The following UNC5C variants were observed in gnomAD, a reference collection of about 807,000 sequenced individuals.
UNC5C encodes unc-5 netrin receptor C.
A neutral mutation model predicts 99.8 loss-of-function variants in UNC5C; 47 were observed. The ratio of observed to expected loss-of-function variants is 0.47; its 90% CI spans 0.37 to 0.60. The LOEUF (loss-of-function observed/expected upper bound fraction) is 0.60, where lower values mean the gene tolerates loss of function less well. UNC5C is among the 20% of genes least tolerant of loss of function. The pLI, the probability that UNC5C is intolerant of heterozygous loss-of-function variation, is 0.00. For synonymous variants in UNC5C, 487 were observed against 452.2 expected (o/e 1.08, Z -0.98); for missense variants, 1,062 against 1,165.9 (o/e 0.91, Z 1.30).
Position 95,300,817 on chromosome 4 carries a change from G to A in UNC5C, c.490+789C>T, listed in dbSNP as rs557419575. 1.4e-3 allele frequency among the ~76,000 whole-genome samples: 212 copies of A among 152,246 alleles called. 2 individuals are homozygous for A. Among genetic ancestry groups the A allele is most frequent in the Middle Eastern group, 3.4e-3 (1 of 294 alleles). On this transcript the variant is annotated intron_variant, in intron 3 of 15. Coordinates refer to ENST00000453304, the MANE Select transcript of UNC5C (RefSeq NM_003728.4). ...GGGAAGGGTAGTGGCAGGGTTTTGCGGGGAGGTGGGGATGATTAATGAGTA... is the reference window on the plus strand; with the variant it reads ...GGGAAGGGTAGTGGCAGGGTTTTGCAGGGAGGTGGGGATGATTAATGAGTA...
At chr4:95,276,699 A>G (rs1579289300) in intron 4 of UNC5C, among the ~76,000 whole-genome samples, 2 of 152,164 alleles carry the variant, frequency 1.3e-5, no homozygotes, top group African/African-American at 4.8e-5. Flanking sequence ...AATAGAGAAG[A>G]GTTTTCTCCT....
At chr4:95,249,017 T>C in intron 5 of UNC5C, among the ~76,000 whole-genome samples, 1 of 152,276 alleles carries the variant, frequency 6.6e-6, no homozygotes, top group East Asian at 1.9e-4. Flanking sequence ...TTATCTTTGA[T>C]ATCTTATTTT....
chr4:95,537,374 A>G (rs895219163), intron 1 of UNC5C, among the ~76,000 whole-genome samples: 1 of 152,156 alleles, frequency 6.6e-6, no homozygotes, highest in Non-Finnish European at 1.5e-5. Flanking sequence ...GGGGAGGGGA[A>G]GGTCGGCGTG....
intron 1 of UNC5C, among the ~76,000 whole-genome samples, chr4:95,387,265 A>C (rs928885101): frequency 2.0e-5 from 3 of 152,010 alleles, no homozygotes; most frequent in African/African-American, 7.2e-5. Context: ...CAGCCTCTCA[A>C]GTAGCTGGGA....
rs563622491 is a variant in UNC5C at position 95,543,852 on chromosome 4, G to C, written c.124+4882C>G. Among the ~76,000 whole-genome samples, 3 of 152,258 alleles carry C rather than the reference G, an allele frequency of 2.0e-5. No individual in the cohort carries two copies. In the South Asian group the frequency reaches 6.2e-4, roughly 32 times the overall value. On this transcript the variant is annotated intron_variant, in intron 1 of 15. Coordinates refer to ENST00000453304, the MANE Select transcript of UNC5C (RefSeq NM_003728.4). ...CCAGAGAGAACAGAAGGGAAGAAAA[G>C]AGACTGTGGAAGGGAATGAGATTCC...
At chr4:95,294,994 A>T (rs951308441) in intron 3 of UNC5C, among the ~76,000 whole-genome samples, 1 of 152,304 alleles carries the variant, frequency 6.6e-6, no homozygotes, top group African/African-American at 2.4e-5. Flanking sequence ...ACATGAGTCA[A>T]TCTGTCCCTC....
intron 1 of UNC5C, among the ~76,000 whole-genome samples, chr4:95,391,855 T>C (rs1390751736): frequency 2.0e-5 from 3 of 151,144 alleles, no homozygotes; most frequent in African/African-American, 7.3e-5. Context: ...GAGAGGTGGA[T>C]CACTTGAGAC....
intron 3 of UNC5C, among the ~76,000 whole-genome samples, chr4:95,282,998 G>T (rs1741115830): frequency 6.6e-6 from 1 of 152,134 alleles, no homozygotes; most frequent in Non-Finnish European, 1.5e-5. Flanking sequence ...GAAGGTCAGA[G>T]AAAACTTTTG....
intron 1 of UNC5C, among the ~76,000 whole-genome samples, chr4:95,362,098 G>A (rs2149435220): frequency 6.6e-6 from 1 of 152,170 alleles, no homozygotes; most frequent in African/African-American, 2.4e-5. Context: ...TGTCTTCTCT[G>A]AGCCCTAGTT....
intron 1 of UNC5C, among the ~76,000 whole-genome samples, chr4:95,539,849 C>A (rs533864846): frequency 6.6e-6 from 1 of 151,752 alleles, no homozygotes; most frequent in African/African-American, 2.4e-5. Context: ...TCTAATAAAT[C>A]CAATAAAATG....
chr4:95,269,360 C>G (rs192622530), intron 4 of UNC5C, among the ~76,000 whole-genome samples: 1 of 152,300 alleles, frequency 6.6e-6, no homozygotes, highest in Non-Finnish European at 1.5e-5. Flanking sequence ...GTGATGACGG[C>G]TCACTGCAGC....
At chr4:95,337,107 G>A (rs1366083947) in intron 1 of UNC5C, among the ~76,000 whole-genome samples, 1 of 151,840 alleles carries the variant, frequency 6.6e-6, no homozygotes, top group Non-Finnish European at 1.5e-5. Flanking sequence ...AGCACTTACT[G>A]TTATATGTGA....
At chr4:95,444,448 C>T (rs1747037584) in intron 1 of UNC5C, among the ~76,000 whole-genome samples, 1 of 151,990 alleles carries the variant, frequency 6.6e-6, no homozygotes, top group South Asian at 2.1e-4. Flanking sequence ...TCTCCTGCCT[C>T]AGCCTCCCGA....
At chr4:95,524,324 G>T (rs1259452885) in intron 1 of UNC5C, among the ~76,000 whole-genome samples, 3 of 152,148 alleles carry the variant, frequency 2.0e-5, no homozygotes, top group Non-Finnish European at 2.9e-5. Flanking sequence ...CTGGGTTATT[G>T]TGAGGATTAA....
chr4:95,479,917 T>A (rs186368599), intron 1 of UNC5C, among the ~76,000 whole-genome samples: 26 of 148,880 alleles, frequency 1.7e-4, no homozygotes, highest in African/African-American at 6.5e-4. Context: ...TCTAATCTGT[T>A]GAAGGACTGA....
At chr4:95,249,414 G>T (rs1739612834) in intron 5 of UNC5C, among the ~76,000 whole-genome samples, 1 of 152,130 alleles carries the variant, frequency 6.6e-6, no homozygotes, top group Non-Finnish European at 1.5e-5. Flanking sequence ...TGAGGCATGG[G>T]GACATCATTC....
chr4:95,451,013 AG>A (rs1256311508), intron 1 of UNC5C, among the ~76,000 whole-genome samples: 2 of 152,236 alleles, frequency 1.3e-5, no homozygotes, highest in East Asian at 1.9e-4. Context: ...ATTAAAGTAA[AG>A]GTATTCATAC....
Position 95,206,743 on chromosome 4 carries a change from GGCCC to G in UNC5C, c.1783_1786del (p.Gly595ProfsTer75). On this transcript the variant is annotated frameshift_variant, in exon 11 of 16. Transcript: ENST00000453304. LOFTEE classifies it high-confidence loss of function. ...TGGGCGGGTGAGCAGAGCTCCTGGG[GGCCC>G]ACAGCTCACCACAGGGGTCAAAAGT... 6.2e-7 allele frequency: 1 copy of G among 1,613,694 alleles called. No individual in the cohort carries two copies. The highest frequency in any genetic ancestry group is 8.5e-7 in the Non-Finnish European group (1 of 1,179,830).
chr4:95,548,638 C>T lies in UNC5C; in HGVS notation c.124+96G>A, dbSNP rs187912450. On this transcript the variant is annotated intron_variant, in intron 1 of 15. Transcript: ENST00000453304. Reference sequence around the variant, plus strand: ...TGGTTTCCAGTTGAAAGCAACGAGGCAAATTGAGGAAGTCAAGAGAACTGG... The same window carrying T: ...TGGTTTCCAGTTGAAAGCAACGAGGTAAATTGAGGAAGTCAAGAGAACTGG... 2.8e-6 allele frequency: 4 copies of T among 1,434,426 alleles called. No individual in the cohort carries two copies. The East Asian group carries it at 7.5e-5, about 27-fold the overall frequency. The allele number at this position is 1,434,426 out of a possible 1,614,324, so 88.9% of individuals were successfully genotyped here.
Sources: allele counts gnomAD v4.1 joint callset (sites outside exome capture counted in the v4.1 genomes callset), GRCh38; gene constraint gnomAD v4.1.1; transcripts MANE v1.5; gene names NCBI Gene and HGNC (gene_info 2026-07-23, HGNC 2026-07-21).